EPHA6: variants seen among roughly 807,000 people sequenced by gnomAD.
EPHA6 encodes the protein EPH receptor A6, also known as ephrin type-A receptor 6.
In EPHA6, 50 loss-of-function variants were observed where a neutral mutation model predicts 112.0. The observed-to-expected ratio is 0.45, with a 90% CI of 0.36 to 0.56. The LOEUF (loss-of-function observed/expected upper bound fraction) is 0.56. Ranked by LOEUF, EPHA6 falls within the 20% of genes least tolerant of loss-of-function variation. The pLI is 0.00. For synonymous variants in EPHA6, 529 were observed against 490.7 expected, an observed-to-expected ratio of 1.08 and a Z score of -1.03; for missense variants, 1,280 against 1,417.4, an observed-to-expected ratio of 0.90 and a Z score of 1.56.
At chr3:97,171,103 G>A (rs929556209) in intron 3 of EPHA6, among the ~76,000 whole-genome samples, 4 of 152,248 alleles carry the variant, frequency 2.6e-5, no homozygotes, top group African/African-American at 9.6e-5. Flanking sequence ...TAGAGAAAAC[G>A]AGACAATTAG....
chr3:96,897,071 C>G (rs2038312419), intron 2 of EPHA6, among the ~76,000 whole-genome samples: 1 of 142,558 alleles, frequency 7.0e-6, no homozygotes, highest in Admixed American at 7.3e-5. Flanking sequence ...TCTATACATG[C>G]TAATACATCT....
At chr3:97,601,787 A>G (rs2093645472) in intron 12 of EPHA6, among the ~76,000 whole-genome samples, 1 of 152,102 alleles carries the variant, frequency 6.6e-6, no homozygotes, top group Non-Finnish European at 1.5e-5. Context: ...TGCCATTATA[A>G]TTAAAATCAC....
intron 1 of EPHA6, among the ~76,000 whole-genome samples, chr3:96,831,333 A>G (rs545678973): frequency 9.2e-5 from 14 of 152,190 alleles, no homozygotes; most frequent in African/African-American, 3.4e-4. Context: ...GAGAAGCCAC[A>G]CAGTTTGAGT....
In EPHA6 at chr3:97,749,136, T is replaced by A. The variant is rs1576400319; in HGVS notation, c.*435T>A. The A allele has an allele frequency of 1.7e-5, 4 of 235,796 alleles. No individual in the cohort carries two copies. In the Admixed American group the frequency reaches 2.1e-4, roughly 12 times the overall value. 14.6% of individuals were successfully genotyped at this position (235,796 alleles called of 1,614,324 possible). ...AGTAGCTTCCAAACTGACAGAAATG[T>A]TTCATTTTTAGATAATTATATTCAG... is the stretch of plus-strand genomic sequence containing the variant. On this transcript the variant is annotated 3_prime_UTR_variant, in exon 18 of 18. Coordinates refer to ENST00000389672, the MANE Select transcript of EPHA6 (RefSeq NM_001080448.3).
chr3:97,303,496 A>T (rs2081182917), intron 5 of EPHA6, among the ~76,000 whole-genome samples: 1 of 152,038 alleles, frequency 6.6e-6, no homozygotes, highest in Admixed American at 6.6e-5. Flanking sequence ...TGGCTTACAC[A>T]ATTATGGAGG....
intron 1 of EPHA6, among the ~76,000 whole-genome samples, chr3:96,823,210 G>A (rs577575047): frequency 6.6e-6 from 1 of 151,670 alleles, no homozygotes; most frequent in African/African-American, 2.4e-5. Flanking sequence ...ATTTAAGTAT[G>A]TAGAGGCCAA....
At chr3:97,095,881 A>T (rs1031034701) in intron 3 of EPHA6, among the ~76,000 whole-genome samples, 2 of 152,076 alleles carry the variant, frequency 1.3e-5, no homozygotes, top group Admixed American at 6.6e-5. Flanking sequence ...TTCCTAAATG[A>T]TGCTGATGCT....
chr3:97,039,762 G>A (rs2045249935), intron 3 of EPHA6, among the ~76,000 whole-genome samples: 1 of 152,012 alleles, frequency 6.6e-6, no homozygotes, highest in Non-Finnish European at 1.5e-5. Context: ...CAAGTTTACA[G>A]CTTTTAATCC....
chr3:97,023,931 A>G (rs1221457746), intron 3 of EPHA6, among the ~76,000 whole-genome samples: 6 of 152,330 alleles, frequency 3.9e-5, no homozygotes, highest in African/African-American at 1.2e-4. Context: ...AGTACATTAC[A>G]TAGGAAAATA....
At chr3:97,246,285 A>G (rs2078984760) in intron 5 of EPHA6, among the ~76,000 whole-genome samples, 1 of 151,978 alleles carries the variant, frequency 6.6e-6, no homozygotes, top group Admixed American at 6.6e-5. Context: ...TTTCTGTACA[A>G]AATCAGTATG....
intron 2 of EPHA6, among the ~76,000 whole-genome samples, chr3:96,983,016 T>C (rs1200745828): frequency 1.3e-5 from 2 of 152,168 alleles, no homozygotes; most frequent in Admixed American, 1.3e-4. Flanking sequence ...AATTTTCCAG[T>C]CTGTGTCTTT....
rs373581701 is a variant in EPHA6 at position 97,293,272 on chromosome 3, G to A, written c.1606+48985G>A. Among the ~76,000 whole-genome samples the A allele has an allele frequency of 3.5e-4, 53 of 149,834 alleles. No homozygotes were observed. The East Asian group carries it at 0.01, about 28-fold the overall frequency. The stretch of plus-strand genomic sequence containing the variant: ...TCTCAGCAAAGAGGACACTCATGAT[G>A]TTCCATTGGCAGGCAGGCCATCCCA... On this transcript the variant is annotated intron_variant, in intron 5 of 17. Transcript: ENST00000389672.
chr3:97,128,864 T>C (rs1243638367), intron 3 of EPHA6, among the ~76,000 whole-genome samples: 2 of 144,416 alleles, frequency 1.4e-5, no homozygotes, highest in Non-Finnish European at 3.0e-5. Context: ...CTACCTGAAT[T>C]TTTATGTCTT....
intron 1 of EPHA6, among the ~76,000 whole-genome samples, chr3:96,833,641 G>A (rs1386785153): frequency 6.6e-6 from 1 of 151,986 alleles, no homozygotes; most frequent in Non-Finnish European, 1.5e-5. Context: ...AGATCTAGCT[G>A]AAGAAAGTTA....
chr3:97,714,505 G>T (rs918636259), intron 14 of EPHA6, among the ~76,000 whole-genome samples: 3 of 152,162 alleles, frequency 2.0e-5, no homozygotes, highest in Non-Finnish European at 4.4e-5. Flanking sequence ...ATGCCTCTCT[G>T]AAAGAGGCTG....
chr3:97,306,033 T>A (rs1221054476), intron 5 of EPHA6, among the ~76,000 whole-genome samples: 2 of 151,844 alleles, frequency 1.3e-5, no homozygotes, highest in African/African-American at 2.4e-5. Context: ...TATATGGACA[T>A]ACAATGATAT....
intron 5 of EPHA6, among the ~76,000 whole-genome samples, chr3:97,287,014 G>T (rs1442550400): frequency 1.3e-5 from 2 of 150,842 alleles, no homozygotes; most frequent in African/African-American, 4.9e-5. Context: ...AAAAAAAAAA[G>T]GATTGCCTTC....
chr3:97,614,052 C>G (rs1013583436), intron 13 of EPHA6, among the ~76,000 whole-genome samples: 4 of 152,054 alleles, frequency 2.6e-5, no homozygotes, highest in Non-Finnish European at 5.9e-5. Flanking sequence ...TTTTTTATAA[C>G]AATATTAACT....
chr3:97,185,011 T>C (rs895245313), intron 3 of EPHA6, among the ~76,000 whole-genome samples: 1 of 152,120 alleles, frequency 6.6e-6, no homozygotes, highest in African/African-American at 2.4e-5. Flanking sequence ...TGGCTAGCCA[T>C]AGGTAGAAAG....
Sources: gnomAD v4.1 joint callset for allele counts (sites outside exome capture counted in the v4.1 genomes callset) on GRCh38, gnomAD v4.1.1 for gene constraint, MANE v1.5 for transcripts, NCBI Gene and HGNC (gene_info 2026-07-23, HGNC 2026-07-21) for gene names.